The following SPATS2 variants were observed in gnomAD, a reference collection of about 807,000 sequenced individuals.
The protein encoded by SPATS2 is spermatogenesis-associated serine-rich protein 2.
SPATS2 carries 38 observed loss-of-function variants against 63.7 expected under a neutral mutation model. The ratio of observed to expected loss-of-function variants is 0.60; its 90% CI spans 0.46 to 0.78. The LOEUF (loss-of-function observed/expected upper bound fraction) is 0.78, where lower values mean the gene tolerates loss of function less well. Among genes scored for constraint, SPATS2 ranks in the 30% least tolerant of loss-of-function variants. The probability of loss-of-function intolerance (pLI) is 0.00; values close to 1 mark genes in which losing one functional copy is unlikely to be tolerated. For synonymous variants in SPATS2, 207 were observed against 232.9 expected, an observed-to-expected ratio of 0.89 and a Z score of 1.01; for missense variants, 588 against 666.2, an observed-to-expected ratio of 0.88 and a Z score of 1.29.
At chr12:49,443,952 A>G (rs1045344204) in intron 2 of SPATS2, among the ~76,000 whole-genome samples, 4 of 152,170 alleles carry the variant, frequency 2.6e-5, no homozygotes, top group Non-Finnish European at 4.4e-5. Context: ...TTGTTTTGGC[A>G]ATTCTGGTTT....
chr12:49,495,343 G>A (rs977650950), intron 7 of SPATS2, among the ~76,000 whole-genome samples: 2 of 151,858 alleles, frequency 1.3e-5, no homozygotes, highest in African/African-American at 2.4e-5. Flanking sequence ...ACAGGCACCC[G>A]CCACCACGCC....
At chr12:49,521,096 G>A (rs770345345) in intron 11 of SPATS2, among the ~76,000 whole-genome samples, 2 of 152,200 alleles carry the variant, frequency 1.3e-5, no homozygotes, top group Non-Finnish European at 2.9e-5. Flanking sequence ...ACGGATGGTT[G>A]TGGTCATTGG....
intron 2 of SPATS2, among the ~76,000 whole-genome samples, chr12:49,376,066 A>G (rs1374897540): frequency 6.9e-6 from 1 of 145,948 alleles, no homozygotes; most frequent in African/African-American, 2.5e-5. Context: ...CTTGGATTAC[A>G]GGCATGAACC....
At chr12:49,496,623 C>T (rs1314488814) in intron 7 of SPATS2, among the ~76,000 whole-genome samples, 3 of 152,176 alleles carry the variant, frequency 2.0e-5, no homozygotes, top group Admixed American at 1.3e-4. Context: ...CTCTTCATTC[C>T]GGACGCCACT....
At chr12:49,518,113 C>G (rs1362045384) in intron 10 of SPATS2, among the ~76,000 whole-genome samples, 1 of 152,126 alleles carries the variant, frequency 6.6e-6, no homozygotes, top group Non-Finnish European at 1.5e-5. Context: ...AAAAGAAAGG[C>G]TAAATGCCCC....
chr12:49,494,847 C>T lies in SPATS2; in HGVS notation c.371C>T (p.Ser124Leu), dbSNP rs1946438491. ...SIQEEQSAPS[S>L]EKGGMNGYHV... ...CAAGAGGAACAGTCTGCGCCTTCCTCAGAGAAAGGTGGTATGAATGGCTAC... is the reference window on the plus strand; with the variant it reads ...CAAGAGGAACAGTCTGCGCCTTCCTTAGAGAAAGGTGGTATGAATGGCTAC... Residue 124 changes from serine (S) to leucine (L), a missense_variant, in exon 7 of 14, where the codon TCA becomes TTA. Physicochemically the swap from Ser to Leu is moderately radical, Grantham distance 145. Transcript: ENST00000552918. 1 of 1,613,798 alleles carries T rather than the reference C, an allele frequency of 6.2e-7. No homozygotes were observed. The highest frequency in any genetic ancestry group is 1.3e-5 in the African/African-American group (1 of 74,864).
rs58461732 is a variant in SPATS2 at position 49,367,597 on chromosome 12, A to G, written c.-307+10A>G. On this transcript the variant is annotated intron_variant, in intron 1 of 13. Transcript: ENST00000552918. Reference sequence around the variant, plus strand: ...CGGGGGCCTGGGCTAGGTGAGGCTAAGGGTGCTGGGTGGCGGGGTTGGCGG... The same window carrying G: ...CGGGGGCCTGGGCTAGGTGAGGCTAGGGGTGCTGGGTGGCGGGGTTGGCGG... 2.8e-3 allele frequency: 781 copies of G among 274,894 alleles called. 11 individuals are homozygous for G. The East Asian group carries it at 0.043, about 15-fold the overall frequency. 17.0% of individuals were successfully genotyped at this position (274,894 alleles called of 1,614,324 possible).
At chr12:49,499,693 C>G (rs1039722365) in intron 8 of SPATS2, among the ~76,000 whole-genome samples, 1 of 152,082 alleles carries the variant, frequency 6.6e-6, no homozygotes, top group African/African-American at 2.4e-5. Flanking sequence ...ATTTCTCCTC[C>G]CTGCATTGTA....
intron 3 of SPATS2, among the ~76,000 whole-genome samples, chr12:49,471,828 A>C (rs1946038778): frequency 2.0e-5 from 3 of 152,098 alleles, no homozygotes; most frequent in Admixed American, 2.0e-4. Flanking sequence ...GTCTTTGTGA[A>C]TTTGACTACT....
chr12:49,454,012 G>A (rs1422077692), intron 2 of SPATS2, among the ~76,000 whole-genome samples: 6 of 151,670 alleles, frequency 4.0e-5, no homozygotes, highest in Non-Finnish European at 8.8e-5. Flanking sequence ...ACAGGCTCCC[G>A]CCACCATGCC....
At position 49,439,261 on chromosome 12, in the gene SPATS2, G is replaced by A. The variant is rs535046642; in HGVS notation, c.-243-21509G>A. ...CATTGAGCAAGGGGTGATGCTGGGG[G>A]AGGAAGTTACCAGTTCCAGGGGCCA... On this transcript the variant is annotated intron_variant, in intron 2 of 13. Transcript: ENST00000552918. Among the ~76,000 whole-genome samples, 437 of 152,278 alleles carry A rather than the reference G, an allele frequency of 2.9e-3. 2 individuals carry two copies. Among genetic ancestry groups the A allele is most frequent in the African/African-American group, 0.01 (416 of 41,554 alleles).
intron 10 of SPATS2, among the ~76,000 whole-genome samples, chr12:49,515,975 A>G (rs962252615): frequency 6.6e-6 from 1 of 151,178 alleles, no homozygotes; most frequent in South Asian, 2.1e-4. Context: ...CCCCGTCTCT[A>G]CTAAAAATAC....
At position 49,497,021 on chromosome 12, in the gene SPATS2, G is replaced by T; in HGVS notation, c.703+12G>T. 6.6e-7 allele frequency: 1 copy of T among 1,506,704 alleles called. No homozygotes were observed. The highest frequency in any genetic ancestry group is 1.3e-5 in the South Asian group (1 of 74,926). The allele number at this position is 1,506,704 out of a possible 1,614,324, so 93.3% of individuals were successfully genotyped here. On this transcript the variant is annotated intron_variant, in intron 8 of 13. Transcript: ENST00000552918. ...CAGTAAAAAGCTAAGTAAGTCAGAG[G>T]CCCACCTGTGAGAGAAAATGAAAAA...
chr12:49,451,731 C>A (rs1225348072), intron 2 of SPATS2, among the ~76,000 whole-genome samples: 1 of 152,172 alleles, frequency 6.6e-6, no homozygotes, highest in African/African-American at 2.4e-5. Context: ...TGGGTACAGT[C>A]GGGTTACCAT....
chr12:49,497,669 C>A (rs1565751297), intron 8 of SPATS2, among the ~76,000 whole-genome samples: 3 of 152,156 alleles, frequency 2.0e-5, no homozygotes, highest in African/African-American at 7.2e-5. Flanking sequence ...GCTGGAATTA[C>A]AGGCGTGAGC....
intron 2 of SPATS2, among the ~76,000 whole-genome samples, chr12:49,429,528 C>G (rs1001385217): frequency 1.3e-5 from 2 of 151,610 alleles, no homozygotes; most frequent in African/African-American, 2.4e-5. Context: ...TCACTGCAAC[C>G]TCTGCCTCTG....
chr12:49,460,914 T>TA lies in SPATS2; in HGVS notation c.-99_-98insA. 1 of 1,421,910 alleles carries TA rather than the reference T, an allele frequency of 7.0e-7. No individual in the cohort carries two copies. The highest frequency in any genetic ancestry group is 9.8e-7 in the Non-Finnish European group (1 of 1,020,948). The allele number at this position is 1,421,910 out of a possible 1,614,324, so 88.1% of individuals were successfully genotyped here. A position where few individuals can be genotyped will look rare whatever the true frequency, so the allele number is the denominator to read the frequency against. ...TATTTTTTGCTTCCAACTGCACACT[T>TA]CCGTTGCCCACTTTTAAATCAGAGA... is the stretch of plus-strand genomic sequence containing the variant. On this transcript the variant is annotated 5_prime_UTR_variant, in exon 3 of 14. An upstream open reading frame in the 5' UTR gains an earlier in-frame stop. Coordinates refer to ENST00000552918, the MANE Select transcript of SPATS2 (RefSeq NM_023071.4).
At chr12:49,506,175 A>G (rs1938161255) in intron 9 of SPATS2, among the ~76,000 whole-genome samples, 2 of 152,230 alleles carry the variant, frequency 1.3e-5, no homozygotes, top group South Asian at 4.1e-4. Flanking sequence ...TTGATGTTCA[A>G]TAGGTTAGGT....
Position 49,508,067 on chromosome 12 carries a change from A to G in SPATS2, c.840-6488A>G, listed in dbSNP as rs550469531. 2.1e-3 allele frequency among the ~76,000 whole-genome samples: 316 copies of G among 152,328 alleles called. 1 individual carries two copies. Among genetic ancestry groups the G allele is most frequent in the Non-Finnish European group, 1.3e-3 (91 of 68,036 alleles). ...GGGCACAAAAATATTTTACCCAAAG[A>G]TACTTTTCCACTACACCATTCTTTT... On this transcript the variant is annotated intron_variant, in intron 9 of 13. Transcript: ENST00000552918.
Sources: allele counts gnomAD v4.1 joint callset (sites outside exome capture counted in the v4.1 genomes callset), GRCh38; gene constraint gnomAD v4.1.1; transcripts MANE v1.5; gene names NCBI Gene and HGNC (gene_info 2026-07-23, HGNC 2026-07-21).